TNK2: variants seen among roughly 807,000 people sequenced by gnomAD.
TNK2 encodes activated CDC42 kinase 1.
A neutral mutation model predicts 101.8 loss-of-function variants in TNK2; 83 were observed. The ratio of observed to expected loss-of-function variants is 0.82; its 90% CI spans 0.68 to 0.98. The LOEUF is 0.98. Among genes scored for constraint, TNK2 ranks in the 50% least tolerant of loss-of-function variants. The probability of loss-of-function intolerance (pLI) is 0.00; values close to 1 mark genes in which losing one functional copy is unlikely to be tolerated. For synonymous variants in TNK2, 804 were observed against 633.0 expected (o/e 1.27, Z -4.06); for missense variants, 1,665 against 1,483.2 (o/e 1.12, Z -2.01).
At chr3:195,890,453 G>GTTTT (rs1560533402) in intron 1 of TNK2, among the ~76,000 whole-genome samples, 1 of 134,622 alleles carries the variant, frequency 7.4e-6, no homozygotes, top group Admixed American at 7.7e-5. Flanking sequence ...ATAGTTTTTT[G>GTTTT]GTTTTTTTTT....
At chr3:195,902,693 C>T (rs1398750357) in intron 1 of TNK2, among the ~76,000 whole-genome samples, 1 of 145,544 alleles carries the variant, frequency 6.9e-6, no homozygotes, top group Non-Finnish European at 1.5e-5. Flanking sequence ...TAAAAGAGAG[C>T]TTTTTGCAAC....
At chr3:195,874,427 C>T (rs535557972) in intron 9 of TNK2, among the ~76,000 whole-genome samples, 3 of 152,222 alleles carry the variant, frequency 2.0e-5, no homozygotes, top group African/African-American at 4.8e-5. Flanking sequence ...TGACACCACT[C>T]GAGAAAACAT....
At chr3:195,874,026 G>C (rs1003969523) in intron 9 of TNK2, among the ~76,000 whole-genome samples, 1 of 152,144 alleles carries the variant, frequency 6.6e-6, no homozygotes, top group East Asian at 1.9e-4. Context: ...CGAAGGAGCA[G>C]AGCCCCGGCT....
chr3:195,878,482 T>G lies in TNK2; in HGVS notation c.1125A>C (p.Arg375Ser), dbSNP rs200483577. The change falls in exon 8 of 16, where the codon AGA (arginine) becomes AGC (serine). Residue 375 changes from arginine (R) to serine (S), a missense_variant. Around this residue, in one of 3 missense-constraint regions of TNK2, gnomAD observed 490 missense variants for 522.5 expected, o/e 0.94. Coordinates refer to ENST00000672887, the MANE Select transcript of TNK2 (RefSeq NM_001382273.1). This position sits in a 1 kb window ranked among gnomAD's most constrained non-coding sequence, Gnocchi z 4.7. ...AGTCCCGCAGGGCCACAAACGTGGG[T>G]CTGTCCTCTGGCTTGTGAGCCCAGC... ...VQCWAHKPEDRPTFVALRDFL... is the reference protein window; with the variant it reads ...VQCWAHKPEDSPTFVALRDFL... 12 of 1,613,934 alleles carry G rather than the reference T, an allele frequency of 7.4e-6. No individual in the cohort carries two copies. In the Admixed American group the frequency reaches 1.3e-4, roughly 18 times the overall value.
At chr3:195,905,575 T>C (rs1328063341) in intron 1 of TNK2, among the ~76,000 whole-genome samples, 1 of 151,874 alleles carries the variant, frequency 6.6e-6, no homozygotes, top group Non-Finnish European at 1.5e-5. Context: ...TGCTACTAGA[T>C]CAATTAGATC....
At chr3:195,906,051 C>T (rs930791909) in intron 1 of TNK2, among the ~76,000 whole-genome samples, 3 of 152,046 alleles carry the variant, frequency 2.0e-5, no homozygotes, top group Non-Finnish European at 4.4e-5. Flanking sequence ...ATACGTATGG[C>T]AAATGAGCAC....
chr3:195,899,814 G>A (rs1321040327), intron 1 of TNK2, among the ~76,000 whole-genome samples: 4 of 151,936 alleles, frequency 2.6e-5, no homozygotes, highest in Non-Finnish European at 5.9e-5. Flanking sequence ...ACCTGGCAGG[G>A]GCCCTGGGTG....
intron 6 of TNK2, among the ~76,000 whole-genome samples, chr3:195,880,684 C>A (rs1427458275): frequency 9.4e-6 from 1 of 106,230 alleles, no homozygotes. Context: ...TCAGCAATGA[C>A]CCTCGGAGAG....
intron 1 of TNK2, among the ~76,000 whole-genome samples, chr3:195,897,129 CAT>C (rs1022098580): frequency 2.6e-5 from 4 of 152,250 alleles, no homozygotes; most frequent in African/African-American, 9.6e-5. Flanking sequence ...CTTGCTTCCA[CAT>C]GTCAGCCCCA....
chr3:195,901,530 G>A (rs1761208208), intron 1 of TNK2, among the ~76,000 whole-genome samples: 2 of 152,082 alleles, frequency 1.3e-5, no homozygotes, highest in African/African-American at 2.4e-5. Flanking sequence ...CTGCTGAGGA[G>A]GAAGAGAGGG....
intron 15 of TNK2, among the ~76,000 whole-genome samples, 181 bp downstream of exon 15, chr3:195,866,708 A>G (rs371145555): frequency 1.1e-4 from 16 of 152,338 alleles, no homozygotes; most frequent in African/African-American, 3.6e-4. Context: ...AAAATGTCCA[A>G]ATAAACACAT....
chr3:195,884,548 C>G (rs1411702580), intron 4 of TNK2: 6 of 422,790 alleles, frequency 1.4e-5, no homozygotes, highest in Non-Finnish European at 2.5e-5. Flanking sequence ...GAGGCTGAGG[C>G]AGGAGGATTG....
intron 9 of TNK2, chr3:195,876,347 A>C (rs1325410116): frequency 2.2e-6 from 1 of 452,594 alleles, no homozygotes; most frequent in Non-Finnish European, 4.4e-6. Context: ...TACTGGACAC[A>C]GCTTCGCAAG....
At position 195,884,988 on chromosome 3, in the gene TNK2, A is replaced by T; in HGVS notation, c.280T>A (p.Ser94Thr). 6.2e-7 allele frequency: 1 copy of T among 1,612,586 alleles called. No homozygotes were observed. The highest frequency in any genetic ancestry group is 8.5e-7 in the Non-Finnish European group (1 of 1,179,190). The change falls in exon 4 of 16, where the codon TCT (serine) becomes ACT (threonine). Residue 94 changes from serine (S) to threonine (T), a missense_variant. Around this residue, in one of 3 missense-constraint regions of TNK2, gnomAD observed 490 missense variants for 522.5 expected, o/e 0.94. Coordinates refer to ENST00000672887, the MANE Select transcript of TNK2 (RefSeq NM_001382273.1). ...RLEAEFPPHH[S>T]QSTFRKTSPA... ...GAGGTCTTCCGGAAGGTGCTCTGAG[A>T]GTGATGAGGTGGGAACTCAGCCTCC...
intron 1 of TNK2, among the ~76,000 whole-genome samples, chr3:195,898,503 C>T (rs575089668): frequency 1.3e-5 from 2 of 152,338 alleles, no homozygotes; most frequent in South Asian, 2.1e-4. Flanking sequence ...CTGGCACGCA[C>T]GCCCTCTGGG....
At chr3:195,869,066 CCT>C (rs569002712) in intron 12 of TNK2, 89 of 463,694 alleles carry the variant, frequency 1.9e-4, no homozygotes, top group African/African-American at 1.3e-3. Flanking sequence ...CATCCCCGCC[CCT>C]GTCACGGCAC....
rs773034944 is a variant in TNK2, at chr3:195,884,932, C to T, written c.336G>A (p.Gly112=). 5 of 1,613,934 alleles carry T rather than the reference C, an allele frequency of 3.1e-6. 1 individual carries two copies. The Admixed American group carries it at 8.3e-5, about 27-fold the overall frequency. Residue 112 remains glycine (G), a synonymous_variant, in exon 4 of 16, where the codon GGG becomes GGA. Transcript: ENST00000672887. ...TGAGGCAGGTGAGGCTCTGCAGGGG[C>T]CCCTCCCCTGCTGGGCCCCCAGGGG... ...SPAPGGPAGE[G]PLQSLTCLIG... is the part of the protein sequence containing the mutation.
At position 195,872,424 on chromosome 3, in the gene TNK2, C is replaced by T. The variant is rs1746078355; in HGVS notation, c.1303G>A (p.Val435Met). The change falls in exon 10 of 16, where the codon GTG (valine) becomes ATG (methionine). Residue 435 changes from valine to methionine, a missense_variant. Physicochemically the swap from Val to Met is conservative, Grantham distance 21. Around this residue, in one of 3 missense-constraint regions of TNK2, gnomAD observed 1,136 missense variants for 894.9 expected, o/e 1.27. Transcript: ENST00000672887. ...WRGQNTRTLC[V>M]GPFPRNVVTS... ...ACCACGTTGCGAGGGAAGGGCCCCA[C>T]ACACAGCGTCCGTGTGTTCTGGCCA... 6.2e-7 allele frequency: 1 copy of T among 1,611,996 alleles called. No individual in the cohort carries two copies. Among genetic ancestry groups the T allele is most frequent in the South Asian group, 1.1e-5 (1 of 90,886 alleles).
Position 195,886,791 on chromosome 3 carries a change from C to T in TNK2, c.234+186G>A, listed in dbSNP as rs1397927843. Among the ~76,000 whole-genome samples, 2 of 152,232 alleles carry T rather than the reference C, an allele frequency of 1.3e-5. No homozygotes were observed. The highest frequency in any genetic ancestry group is 2.4e-5 in the African/African-American group (1 of 41,470). On this transcript the variant is annotated intron_variant, in intron 3 of 15. Coordinates refer to ENST00000672887, the MANE Select transcript of TNK2 (RefSeq NM_001382273.1). The surrounding 1 kb of genome is among the most constrained non-coding windows in gnomAD (Gnocchi z 4.2). ...TGTCCGTATCTGGCGGAGACAGACACTTAGCCCAGCAGCTCTACAAGTGCC... is the reference window on the plus strand; with the variant it reads ...TGTCCGTATCTGGCGGAGACAGACATTTAGCCCAGCAGCTCTACAAGTGCC...
Sources: allele counts gnomAD v4.1 joint callset (sites outside exome capture counted in the v4.1 genomes callset), GRCh38; gene constraint gnomAD v4.1.1; regional missense constraint gnomAD v4.1.1; non-coding constraint Gnocchi (gnomAD v3.1); transcripts MANE v1.5; gene names NCBI Gene and HGNC (gene_info 2026-07-23, HGNC 2026-07-21).